Variants in SCIN observed in about 807,000 individuals in gnomAD.
SCIN encodes the protein scinderin, also known as adseverin.
Under a neutral mutation model 91.8 loss-of-function variants are expected in SCIN, and 91 were observed. The ratio of observed to expected loss-of-function variants is 0.99; its 90% CI spans 0.84 to 1.18. The LOEUF (loss-of-function observed/expected upper bound fraction) is 1.18. Ranked by LOEUF, SCIN falls within the 50% of genes most tolerant of loss-of-function variation. The probability of loss-of-function intolerance (pLI) is 0.00; values close to 1 mark genes in which losing one functional copy is unlikely to be tolerated. For missense variants in SCIN, 1,087 were observed against 863.9 expected, an observed-to-expected ratio of 1.26 and a Z score of -3.24; for synonymous variants, 367 against 312.6, an observed-to-expected ratio of 1.17 and a Z score of -1.84.
chr7:12,588,839 A>AGGGGGGGGGT (rs1562599677), intron 3 of SCIN: 1 of 2,818 alleles, frequency 3.5e-4, no homozygotes, highest in Non-Finnish European at 8.0e-4. Flanking sequence ...GCGGGTGGGA[A>AGGGGGGGGGT]GGGGGAGGGG....
chr7:12,604,797 C>A, intron 4 of SCIN, 134 bp downstream of exon 4: 2 of 694,350 alleles, frequency 2.9e-6, no homozygotes, highest in Non-Finnish European at 4.6e-6. Flanking sequence ...CAATAGTGAG[C>A]CTAGCTACAA....
chr7:12,649,333 G>A (rs147483094), intron 13 of SCIN, 134 bp from the exon 14 acceptor site: 263 of 491,560 alleles, frequency 5.4e-4, no homozygotes, highest in African/African-American at 4.5e-3. Flanking sequence ...TTTTTATTAC[G>A]TGAAAAAGAA....
intron 1 of SCIN, 176 bp from the exon 2 acceptor site, chr7:12,577,888 A>G: frequency 1.7e-6 from 1 of 593,568 alleles, no homozygotes; most frequent in South Asian, 2.7e-5. Flanking sequence ...AAAAATTGTT[A>G]ATTATTAGCA....
At chr7:12,578,000 C>G in intron 1 of SCIN, 64 bp from the exon 2 acceptor site, 1 of 1,387,172 alleles carries the variant, frequency 7.2e-7, no homozygotes, top group Non-Finnish European at 9.5e-7. Context: ...TCTTTCATAT[C>G]AGAAATTCTG....
At chr7:12,640,829 A>G (rs2074866) in intron 11 of SCIN, among the ~76,000 whole-genome samples, 37,100 of 152,146 alleles carry the variant, frequency 0.24, 5,118 homozygotes, top group South Asian at 0.44. Flanking sequence ...TTAGGTGGAT[A>G]GATCATGGGT....
At chr7:12,592,137 C>A (rs116842313) in intron 3 of SCIN, among the ~76,000 whole-genome samples, 4,752 of 152,118 alleles carry the variant, frequency 0.031, 122 homozygotes, top group Non-Finnish European at 0.049. Flanking sequence ...CAGGTGAAAG[C>A]AAATAGGTTT....
intron 9 of SCIN, among the ~76,000 whole-genome samples, chr7:12,631,442 A>G (rs10270641): frequency 0.011 from 1,740 of 152,262 alleles, 37 homozygotes; most frequent in African/African-American, 0.039. Flanking sequence ...AAATATTTGT[A>G]CCCTCTAGAA....
intron 3 of SCIN, chr7:12,595,796 C>T (rs188090662): frequency 6.6e-6 from 1 of 152,316 alleles, no homozygotes. Context: ...GATACCATAA[C>T]ATAAGGTACA....
chr7:12,606,000 A>C (rs922661710), intron 4 of SCIN, among the ~76,000 whole-genome samples: 14 of 152,156 alleles, frequency 9.2e-5, no homozygotes, highest in Non-Finnish European at 1.5e-4. Context: ...CTAAGTATAT[A>C]TATTGTATAT....
intron 3 of SCIN, among the ~76,000 whole-genome samples, chr7:12,597,483 C>T (rs888497387): frequency 6.6e-6 from 1 of 152,196 alleles, no homozygotes; most frequent in South Asian, 2.1e-4. Context: ...ATCGCATAGG[C>T]TGTTTTGGGT....
chr7:12,649,652 G>A, intron 14 of SCIN, 108 bp downstream of exon 14: 1 of 589,834 alleles, frequency 1.7e-6, no homozygotes, highest in Non-Finnish European at 2.8e-6. Flanking sequence ...TAGAGATTTA[G>A]GCTGTATTTA....
chr7:12,609,986 T>C (rs1253711749), intron 4 of SCIN, among the ~76,000 whole-genome samples: 3 of 152,188 alleles, frequency 2.0e-5, no homozygotes, highest in Non-Finnish European at 2.9e-5. Context: ...TATTGTCTGG[T>C]TGAGGAGATA....
chr7:12,646,362 C>T (rs529958595), intron 13 of SCIN, among the ~76,000 whole-genome samples: 1 of 152,282 alleles, frequency 6.6e-6, no homozygotes, highest in East Asian at 1.9e-4. Flanking sequence ...CTCACATGGC[C>T]AAGAGAGCAA....
At chr7:12,624,630 A>T (rs7810212) in intron 5 of SCIN, among the ~76,000 whole-genome samples, 98 of 152,336 alleles carry the variant, frequency 6.4e-4, no homozygotes, top group African/African-American at 2.3e-3. Flanking sequence ...TGTACAAGAA[A>T]TAATCATGGA....
intron 13 of SCIN, among the ~76,000 whole-genome samples, chr7:12,645,018 TAAA>T (rs35352647): frequency 7.5e-5 from 7 of 93,770 alleles, no homozygotes; most frequent in Admixed American, 1.3e-4. Context: ...AAAACTCCGT[TAAA>T]AAAAAAAAAA....
intron 3 of SCIN, among the ~76,000 whole-genome samples, chr7:12,588,017 G>T (rs921396770): frequency 2.6e-5 from 4 of 152,146 alleles, no homozygotes; most frequent in African/African-American, 9.7e-5. Context: ...TTAAAACTAT[G>T]TTGGCTTTCA....
At chr7:12,588,492 G>A in intron 3 of SCIN, among the ~76,000 whole-genome samples, 1 of 152,170 alleles carries the variant, frequency 6.6e-6, no homozygotes, top group East Asian at 1.9e-4. Flanking sequence ...GGTCAGGAGA[G>A]TAAGTTTACT....
intron 3 of SCIN, among the ~76,000 whole-genome samples, chr7:12,592,509 G>A (rs914493903): frequency 2.0e-5 from 3 of 152,014 alleles, no homozygotes; most frequent in Non-Finnish European, 4.4e-5. Context: ...GGGTCATGGT[G>A]AGCAGCTACG....
intron 1 of SCIN, among the ~76,000 whole-genome samples, chr7:12,575,874 A>G (rs1038898485): frequency 2.0e-5 from 3 of 152,164 alleles, no homozygotes; most frequent in African/African-American, 7.2e-5. Context: ...TAATTTTCGC[A>G]TCCAAAGGCT....
Sources: allele counts gnomAD v4.1 joint callset (sites outside exome capture counted in the v4.1 genomes callset), GRCh38; gene constraint gnomAD v4.1.1; transcripts MANE v1.5; gene names NCBI Gene and HGNC (gene_info 2026-07-23, HGNC 2026-07-21).